The following TBXAS1 variants were observed in gnomAD, a reference collection of about 807,000 sequenced individuals.
TBXAS1 encodes the protein thromboxane A synthase 1.
TBXAS1 carries 48 observed loss-of-function variants against 60.7 expected under a neutral mutation model. That is an observed-to-expected ratio of 0.79 (90% CI 0.63 to 1.01). The LOEUF is 1.01. Among genes scored for constraint, TBXAS1 ranks in the 50% least tolerant of loss-of-function variants. TBXAS1 has a pLI of 0.00. For synonymous variants in TBXAS1, 287 were observed against 269.7 expected (o/e 1.06, Z -0.63); for missense variants, 685 against 686.3 (o/e 1.00, Z 0.02).
At chr7:139,988,982 G>A (rs1302177775) in intron 9 of TBXAS1, among the ~76,000 whole-genome samples, 1 of 152,182 alleles carries the variant, frequency 6.6e-6, no homozygotes, top group Non-Finnish European at 1.5e-5. Flanking sequence ...GCCCGGGCAG[G>A]GCAACTCCCG....
chr7:139,950,185 A>G (rs1179095902), intron 5 of TBXAS1, among the ~76,000 whole-genome samples: 1 of 151,660 alleles, frequency 6.6e-6, no homozygotes, highest in East Asian at 1.9e-4. Flanking sequence ...GGTGCCTGCC[A>G]CCACGCCCAG....
rs569000735 is a variant in TBXAS1, at chr7:139,835,026, T to C, written c.89+5547T>C. ...AAAGGACACAACCAAAAAAGAAAAC[T>C]ACAGACCAATATCCTTGATGAACAT... On this transcript the variant is annotated intron_variant, in intron 1 of 12. Coordinates refer to ENST00000448866, the MANE Select transcript of TBXAS1 (RefSeq NM_001061.7). 4.0e-5 allele frequency among the ~76,000 whole-genome samples: 6 copies of C among 150,674 alleles called. No individual in the cohort carries two copies. In the East Asian group the frequency reaches 1.2e-3, roughly 29 times the overall value.
chr7:139,778,344 A>ACG (rs767921521), upstream of TBXAS1: 4 of 151,734 alleles, frequency 2.6e-5, no homozygotes, highest in African/African-American at 7.4e-5. The surrounding 1 kb of genome is among the most constrained non-coding windows in gnomAD (Gnocchi z 4.8). Flanking sequence ...GTGTGTGTGC[A>ACG]CGCGCGCGCG....
Position 139,984,833 on chromosome 7 carries a change from GAGGA to G in TBXAS1, c.1135-22244_1135-22241del, listed in dbSNP as rs1389633537. ...AAGAAAGAAAAGAAGAAGAAAGAAA[GAGGA>G]AGGAAGGAAGGAAAAGAAAGAAAGA... On this transcript the variant is annotated intron_variant, in intron 9 of 12. Transcript: ENST00000448866. Among the ~76,000 whole-genome samples the G allele has an allele frequency of 5.4e-4, 77 of 142,320 alleles. 1 individual carries two copies. The highest frequency in any genetic ancestry group is 1.6e-3 in the South Asian group (7 of 4,476). The allele number at this position is 142,320 out of a possible 152,430, so 93.4% of individuals were successfully genotyped here.
At chr7:139,855,571 G>C (rs755672878) in intron 1 of TBXAS1, among the ~76,000 whole-genome samples, 4 of 152,178 alleles carry the variant, frequency 2.6e-5, no homozygotes, top group Admixed American at 2.0e-4. Flanking sequence ...ATGTCAGACA[G>C]AGAGCAGGCT....
At chr7:139,983,691 T>C (rs966579688) in intron 9 of TBXAS1, among the ~76,000 whole-genome samples, 1 of 152,222 alleles carries the variant, frequency 6.6e-6, no homozygotes, top group Admixed American at 6.5e-5. Flanking sequence ...TTCAGTGTAC[T>C]GTCCTCTGGA....
chr7:140,006,770 C>T (rs1446194398), intron 9 of TBXAS1, among the ~76,000 whole-genome samples: 3 of 152,168 alleles, frequency 2.0e-5, no homozygotes, highest in Non-Finnish European at 4.4e-5. Context: ...AATGCGGTAA[C>T]GTCTATGCTG....
chr7:139,967,406 C>T (rs901853239), intron 9 of TBXAS1, among the ~76,000 whole-genome samples: 23 of 152,236 alleles, frequency 1.5e-4, no homozygotes, highest in Admixed American at 3.9e-4. Context: ...ACCCTCTTCC[C>T]TAGGCCAATG....
chr7:140,016,448 G>T, intron 11 of TBXAS1: 1 of 282,666 alleles, frequency 3.5e-6, no homozygotes. Context: ...AAGGAACAAG[G>T]CAATTTCAAA....
chr7:139,993,128 C>T (rs781262457), intron 9 of TBXAS1, among the ~76,000 whole-genome samples: 8 of 152,194 alleles, frequency 5.3e-5, no homozygotes, highest in Non-Finnish European at 1.2e-4. Context: ...ACCCGGGAGG[C>T]AGAGGTTGCA....
At chr7:139,863,419 A>G (rs1260019786) in intron 1 of TBXAS1, among the ~76,000 whole-genome samples, 5 of 152,196 alleles carry the variant, frequency 3.3e-5, no homozygotes, top group Non-Finnish European at 7.4e-5. Flanking sequence ...GCAACAAATT[A>G]TAATGGCTGT....
At chr7:139,858,512 T>C (rs1800738578) in intron 1 of TBXAS1, among the ~76,000 whole-genome samples, 2 of 152,162 alleles carry the variant, frequency 1.3e-5, no homozygotes, top group African/African-American at 4.8e-5. Context: ...ATAATGTAAA[T>C]GCTTAATTAA....
Position 139,914,302 on chromosome 7 carries a change from G to A in TBXAS1, c.333+2981G>A, listed in dbSNP as rs193227401. Among the ~76,000 whole-genome samples, 150 of 152,134 alleles carry A rather than the reference G, an allele frequency of 9.9e-4. 1 individual carries two copies. Among genetic ancestry groups the A allele is most frequent in the Non-Finnish European group, 1.6e-3 (109 of 67,990 alleles). On this transcript the variant is annotated intron_variant, in intron 4 of 12. Coordinates refer to ENST00000448866, the MANE Select transcript of TBXAS1 (RefSeq NM_001061.7). ...TCCTCTCACCTTGGCCTCCCAAATT[G>A]TTGGGATTATAGCCCTGAGCCACTG...
rs2116965015 is a variant in TBXAS1 at position 139,896,976 on chromosome 7, G to A, written c.237-14249G>A. Among the ~76,000 whole-genome samples, 1 of 152,316 alleles carries A rather than the reference G, an allele frequency of 6.6e-6. No homozygotes were observed. The highest frequency in any genetic ancestry group is 1.5e-5 in the Non-Finnish European group (1 of 68,032). On this transcript the variant is annotated intron_variant, in intron 3 of 12. Coordinates refer to ENST00000448866, the MANE Select transcript of TBXAS1 (RefSeq NM_001061.7). The surrounding 1 kb of genome is among the most constrained non-coding windows in gnomAD (Gnocchi z 4.0). ...TGGTTTGGAGACAGAGAGCTTCACT[G>A]GGAGCTCCTCAGTGGTCCAGGCGAG...
chr7:139,889,184 T>C (rs984925271), intron 3 of TBXAS1, among the ~76,000 whole-genome samples: 1 of 151,606 alleles, frequency 6.6e-6, no homozygotes, highest in African/African-American at 2.4e-5. Context: ...ATACCAAAAT[T>C]AGCTGGGTGT....
chr7:140,017,807 C>G lies in TBXAS1; in HGVS notation c.1501C>G (p.Arg501Gly). 1 of 1,614,054 alleles carries G rather than the reference C, an allele frequency of 6.2e-7. No homozygotes were observed. The highest frequency in any genetic ancestry group is 8.5e-7 in the Non-Finnish European group (1 of 1,179,964). The change falls in exon 12 of 13, where the codon CGG (arginine) becomes GGG (glycine). Residue 501 changes from arginine (R) to glycine (G), a missense_variant. By Grantham distance (125) the Arg-to-Gly change is moderately radical. Coordinates refer to ENST00000448866, the MANE Select transcript of TBXAS1 (RefSeq NM_001061.7). ...ACTGCTCCACGTGCTGCACAAGTTC[C>G]GGTTCCAAGCCTGCCCTGAGACCCA... ...LTLLHVLHKF[R>G]FQACPETQVP...
intron 3 of TBXAS1, among the ~76,000 whole-genome samples, chr7:139,900,613 A>G (rs1804490404): frequency 6.6e-6 from 1 of 152,172 alleles, no homozygotes; most frequent in African/African-American, 2.4e-5. Context: ...TTTAGCACAA[A>G]CTAACTAATG....
At position 139,957,510 on chromosome 7, in the gene TBXAS1, G is replaced by C; in HGVS notation, c.689-124G>C. On this transcript the variant is annotated intron_variant, in intron 7 of 12. Transcript: ENST00000448866. ...GCTCTCAGAAGCAGCAGTGCGGCGG[G>C]GAGGGCAGGACTCCAAAACGGCTCC... 6 of 1,253,022 alleles carry C rather than the reference G, an allele frequency of 4.8e-6. No individual in the cohort carries two copies. In the Admixed American group the frequency reaches 5.3e-5, roughly 11 times the overall value. 77.6% of individuals were successfully genotyped at this position (1,253,022 alleles called of 1,614,324 possible). A position where few individuals can be genotyped will look rare whatever the true frequency, so the allele number is the denominator to read the frequency against.
chr7:139,812,988 C>T (rs778563081), intron 4 of TBXAS1, among the ~76,000 whole-genome samples: 3 of 151,704 alleles, frequency 2.0e-5, no homozygotes, highest in African/African-American at 4.9e-5. Context: ...ACCGGGGTGG[C>T]GGAGGTTGCA....
Sources: gnomAD v4.1 joint callset for allele counts (sites outside exome capture counted in the v4.1 genomes callset) on GRCh38, gnomAD v4.1.1 for gene constraint, Gnocchi (gnomAD v3.1) non-coding constraint, MANE v1.5 for transcripts, NCBI Gene and HGNC (gene_info 2026-07-23, HGNC 2026-07-21) for gene names.